Variants in CHD9 observed in about 807,000 individuals in gnomAD.
CHD9 encodes chromodomain helicase DNA binding protein 9, also known as ATP-dependent chromatin remodeler CHD9.
CHD9 carries 77 observed loss-of-function variants against 316.1 expected under a neutral mutation model. That is an observed-to-expected ratio of 0.24 (90% CI 0.20 to 0.29). CHD9 has a LOEUF of 0.29. Ranked by LOEUF, CHD9 falls within the 10% of genes least tolerant of loss-of-function variation. The pLI is 1.00. For synonymous variants in CHD9, 1,129 were observed against 1,158.3 expected, an observed-to-expected ratio of 0.97 and a Z score of 0.51; for missense variants, 2,763 against 3,438.1, an observed-to-expected ratio of 0.80 and a Z score of 4.91.
chr16:53,160,017 C>G (rs969844039), intron 2 of CHD9, among the ~76,000 whole-genome samples: 1 of 152,142 alleles, frequency 6.6e-6, no homozygotes, highest in African/African-American at 2.4e-5. Context: ...CCATGTCCCC[C>G]TCTTTTTATG....
chr16:53,173,853 A>AT (rs948448249), intron 2 of CHD9, among the ~76,000 whole-genome samples: 10 of 151,578 alleles, frequency 6.6e-5, no homozygotes, highest in East Asian at 1.9e-4. Flanking sequence ...CAAATTTGTT[A>AT]TTTTTTTTAA....
At position 53,322,970 on chromosome 16, in the gene CHD9, G is replaced by GA. The variant is rs563086417; in HGVS notation, c.7819-1044dup. On this transcript the variant is annotated intron_variant, in intron 38 of 38. Coordinates refer to ENST00000447540, the MANE Select transcript of CHD9 (RefSeq NM_001308319.2). ...ATGAGCCCTGATGCCTTTGTAAAGA[G>GA]AAAAAATAAGTTGATTCAGTTCAAA... Among the ~76,000 whole-genome samples the GA allele has an allele frequency of 1.6e-3, 248 of 152,186 alleles. 1 individual carries two copies. Among genetic ancestry groups the GA allele is most frequent in the African/African-American group, 5.7e-3 (235 of 41,512 alleles).
chr16:53,076,941 A>C (rs2034586184), intron 1 of CHD9, among the ~76,000 whole-genome samples: 1 of 152,050 alleles, frequency 6.6e-6, no homozygotes, highest in Non-Finnish European at 1.5e-5. Flanking sequence ...CAGCCTCCTG[A>C]GTAGCTGGGA....
chr16:53,086,232 G>C (rs1034732761), intron 1 of CHD9, among the ~76,000 whole-genome samples: 2 of 152,150 alleles, frequency 1.3e-5, no homozygotes, highest in Non-Finnish European at 1.5e-5. Flanking sequence ...CCCATGAAAA[G>C]GTCTAGAGTC....
In CHD9 at chr16:53,209,499, G is replaced by A; in HGVS notation, c.1470G>A (p.Lys490=). The A allele has an allele frequency of 6.2e-7, 1 of 1,603,478 alleles. No homozygotes were observed. The highest frequency in any genetic ancestry group is 2.2e-5 in the East Asian group (1 of 44,748). ...CLQRQPPSSK[K]SDGSGTYTKL... ...TTCTGTAGCCTCCATCTTCCAAGAA[G>A]AGCGATGGTTCTGGGACATATACTA... Residue 490 remains lysine, a synonymous_variant, in exon 3 of 39, where the codon AAG becomes AAA. Coordinates refer to ENST00000447540, the MANE Select transcript of CHD9 (RefSeq NM_001308319.2).
chr16:53,073,862 C>T (rs1042763078), intron 1 of CHD9, among the ~76,000 whole-genome samples: 4 of 152,086 alleles, frequency 2.6e-5, no homozygotes, highest in Non-Finnish European at 4.4e-5. Flanking sequence ...TAAAAACAGA[C>T]TAATACAGTA....
intron 3 of CHD9, among the ~76,000 whole-genome samples, chr16:53,215,118 G>A (rs200702526): frequency 7.2e-5 from 11 of 152,008 alleles, no homozygotes; most frequent in South Asian, 2.1e-4. Flanking sequence ...GGGTTTTACC[G>A]TGTTAGCCAC....
Position 53,254,574 on chromosome 16 carries a change from G to A in CHD9, c.3998G>A (p.Ser1333Asn). The change falls in exon 18 of 39, where the codon AGC becomes AAC. Residue 1333 changes from serine to asparagine, a missense_variant. Physicochemically the swap from Ser to Asn is conservative, Grantham distance 46. This residue lies in a region of CHD9 where 199 missense variants were observed against 251.7 expected (regional missense o/e 0.79). Transcript: ENST00000447540. ...KLGLDKAVLQ[S>N]MSGRESNVGG... ...GGCCTAGATAAAGCTGTGTTACAGA[G>A]CATGAGTGGAAGAGAAAGTAATGTT... is the stretch of plus-strand genomic sequence containing the variant. 1 of 1,609,476 alleles carries A rather than the reference G, an allele frequency of 6.2e-7. No homozygotes were observed. The highest frequency in any genetic ancestry group is 8.5e-7 in the Non-Finnish European group (1 of 1,177,602).
chr16:53,323,968 T>A lies in CHD9; in HGVS notation c.7819-52T>A, dbSNP rs1396380766. ...GTTATTTGTATGATAAGCTAATAAC[T>A]CTTTATTTTATTTTCATGTAGGGAT... On this transcript the variant is annotated intron_variant, in intron 38 of 38. Coordinates refer to ENST00000447540, the MANE Select transcript of CHD9 (RefSeq NM_001308319.2). The A allele has an allele frequency of 9.8e-6, 14 of 1,424,314 alleles. No homozygotes were observed. The South Asian group carries it at 1.8e-4, about 18-fold the overall frequency. 88.2% of individuals were successfully genotyped at this position (1,424,314 alleles called of 1,614,324 possible). A position where few individuals can be genotyped will look rare whatever the true frequency, so the allele number is the denominator to read the frequency against.
chr16:53,104,980 G>C (rs1043122269), intron 1 of CHD9, among the ~76,000 whole-genome samples: 4 of 147,128 alleles, frequency 2.7e-5, no homozygotes, highest in Admixed American at 6.9e-5. Flanking sequence ...ACCATGACTG[G>C]CTAATTAAAA....
At chr16:53,130,531 T>TGGCGGCCGCGGCGG (rs2039184673) in intron 1 of CHD9, among the ~76,000 whole-genome samples, 1 of 148,098 alleles carries the variant, frequency 6.8e-6, no homozygotes, top group African/African-American at 2.5e-5. Context: ...CGGCCTGACG[T>TGGCGGCCGCGGCGG]GGCGGCCGCG....
chr16:53,276,918 G>A (rs1389590973), intron 24 of CHD9, among the ~76,000 whole-genome samples: 1 of 152,064 alleles, frequency 6.6e-6, no homozygotes, highest in Non-Finnish European at 1.5e-5. Flanking sequence ...AAATAAAACA[G>A]GAGATATTAC....
intron 37 of CHD9, among the ~76,000 whole-genome samples, chr16:53,319,303 G>T (rs1384362269): frequency 6.6e-6 from 1 of 152,148 alleles, no homozygotes; most frequent in African/African-American, 2.4e-5. Flanking sequence ...CTGATTTACT[G>T]TCTGTTAAAT....
At chr16:53,234,320 T>C (rs2048429923) in intron 10 of CHD9, among the ~76,000 whole-genome samples, 1 of 152,148 alleles carries the variant, frequency 6.6e-6, no homozygotes. Context: ...TTATTCTTTT[T>C]CTTTTTCTTG....
chr16:53,120,923 T>TGCCTCATGGAAGTTGGAGGC, intron 1 of CHD9, among the ~76,000 whole-genome samples: 1 of 152,148 alleles, frequency 6.6e-6, no homozygotes, highest in East Asian at 1.9e-4. Context: ...GGAGAATCAC[T>TGCCTCATGGAAGTTGGAGGC]TGAACATGGA....
intron 2 of CHD9, among the ~76,000 whole-genome samples, chr16:53,172,045 A>G (rs1270714598): frequency 6.6e-6 from 1 of 152,178 alleles, no homozygotes; most frequent in African/African-American, 2.4e-5. Flanking sequence ...GATAAAATGG[A>G]CATATAATAA....
chr16:53,094,863 T>TCCTGACCTCAGGTGATCTGCCCG (rs1418021889), intron 1 of CHD9, among the ~76,000 whole-genome samples: 2 of 152,176 alleles, frequency 1.3e-5, no homozygotes, highest in African/African-American at 4.8e-5. Flanking sequence ...GGTTTTGAAC[T>TCCTGACCTCAGGTGATCTGCCCG]CCTGACCTCA....
In CHD9 at chr16:53,326,980, A is replaced by G. The variant is rs2057564824; in HGVS notation, c.*2085A>G. The G allele has an allele frequency of 1.3e-5, 2 of 152,468 alleles. No individual in the cohort carries two copies. The highest frequency in any genetic ancestry group is 4.8e-5 in the African/African-American group (2 of 41,444). The allele number at this position is 152,468 out of a possible 1,614,324, so 9.4% of individuals were successfully genotyped here. ...TAATTATGGTCAAATAAATTTGGTT[A>G]ACATCCTAGTGATTCTCTTTCTATA... On this transcript the variant is annotated 3_prime_UTR_variant, in exon 39 of 39. Coordinates refer to ENST00000447540, the MANE Select transcript of CHD9 (RefSeq NM_001308319.2).
intron 1 of CHD9, among the ~76,000 whole-genome samples, chr16:53,143,704 A>G (rs556483014): frequency 3.7e-4 from 57 of 152,260 alleles, no homozygotes; most frequent in African/African-American, 1.3e-3. Context: ...GATTTTATAT[A>G]TTTTACGTTA....
Sources: gnomAD v4.1 joint callset for allele counts (sites outside exome capture counted in the v4.1 genomes callset) on GRCh38, gnomAD v4.1.1 for gene constraint, gnomAD v4.1.1 regional missense constraint, MANE v1.5 for transcripts, NCBI Gene and HGNC (gene_info 2026-07-23, HGNC 2026-07-21) for gene names.